SNX6: variants seen among roughly 807,000 people sequenced by gnomAD.
SNX6 encodes sorting nexin 6.
In SNX6, 34 loss-of-function variants were observed where a neutral mutation model predicts 63.0. The observed-to-expected ratio is 0.54, with a 90% CI of 0.41 to 0.72. The LOEUF is 0.72. Ranked by LOEUF, SNX6 falls within the 30% of genes least tolerant of loss-of-function variation. The pLI, the probability that SNX6 is intolerant of heterozygous loss-of-function variation, is 0.00. For missense variants in SNX6, 398 were observed against 471.4 expected, an observed-to-expected ratio of 0.84 and a Z score of 1.44; for synonymous variants, 170 against 164.2, an observed-to-expected ratio of 1.04 and a Z score of -0.27.
intron 2 of SNX6, among the ~76,000 whole-genome samples, chr14:34,617,331 T>G (rs1883454417): frequency 6.6e-6 from 1 of 152,188 alleles, no homozygotes; most frequent in Non-Finnish European, 1.5e-5. Context: ...TGTGACCTGT[T>G]GTTCCACATA....
In SNX6 at chr14:34,586,247, A is replaced by C. The variant is rs759380933; in HGVS notation, c.777T>G (p.Asp259Glu). Residue 259 changes from aspartate to glutamate, a missense_variant, in exon 9 of 14, where the codon GAT (aspartate) becomes GAG (glutamate). Asp to Glu is a conservative substitution (Grantham distance 45). Transcript: ENST00000362031. ...GSSLYALGTQ[D>E]STDICKFFLK... ...ACACTTACTTGCATATATCTGTAGA[A>C]TCCTGAGTTCCTAAAGCATATAATG... The C allele has an allele frequency of 3.1e-6, 5 of 1,605,212 alleles. No individual in the cohort carries two copies. Among genetic ancestry groups the C allele is most frequent in the Admixed American group, 1.7e-5 (1 of 59,926 alleles).
At chr14:34,599,294 AAC>A (rs1882713075) in intron 6 of SNX6, among the ~76,000 whole-genome samples, 1 of 152,186 alleles carries the variant, frequency 6.6e-6, no homozygotes, top group Admixed American at 6.6e-5. Flanking sequence ...AGATGAGTCT[AAC>A]ACAGTGCTCA....
chr14:34,600,594 G>A (rs1181085077), intron 6 of SNX6, among the ~76,000 whole-genome samples: 2 of 152,066 alleles, frequency 1.3e-5, no homozygotes, highest in East Asian at 3.9e-4. Flanking sequence ...CTTTGATCTT[G>A]AGGTTAACCT....
At chr14:34,568,144 ATTTTT>A (rs35123961) in intron 11 of SNX6, 131 bp from the exon 12 acceptor site, 16 of 457,488 alleles carry the variant, frequency 3.5e-5, no homozygotes, top group South Asian at 5.0e-5. Context: ...AGTTACTCCA[ATTTTT>A]TTTTTTTTTT....
chr14:34,578,472 G>C (rs1207345383), intron 10 of SNX6, among the ~76,000 whole-genome samples: 2 of 149,984 alleles, frequency 1.3e-5, no homozygotes, highest in East Asian at 4.0e-4. Context: ...CTCTACTAAA[G>C]TACAAAAATT....
At chr14:34,624,368 T>A (rs947723851) in intron 2 of SNX6, among the ~76,000 whole-genome samples, 9 of 152,238 alleles carry the variant, frequency 5.9e-5, no homozygotes, top group African/African-American at 2.2e-4. Flanking sequence ...CGCAAAGTGC[T>A]GGGATTACAT....
chr14:34,567,443 T>C (rs182221289), intron 13 of SNX6, among the ~76,000 whole-genome samples: 350 of 152,154 alleles, frequency 2.3e-3, no homozygotes, highest in African/African-American at 6.3e-3. Flanking sequence ...ACTGAGATCA[T>C]TGCCACTGCA....
intron 2 of SNX6, among the ~76,000 whole-genome samples, chr14:34,622,448 T>C (rs967093549): frequency 3.3e-5 from 5 of 150,276 alleles, no homozygotes; most frequent in Admixed American, 6.7e-5. Context: ...CTGGGCGTGG[T>C]GGCGGGCACC....
intron 2 of SNX6, among the ~76,000 whole-genome samples, chr14:34,613,200 T>C (rs1883297506): frequency 6.6e-6 from 1 of 152,188 alleles, no homozygotes; most frequent in East Asian, 1.9e-4. Context: ...CAGGGAATTC[T>C]TCCCTAGAGC....
Position 34,629,911 on chromosome 14 carries a change from C to T in SNX6, c.50G>A (p.Arg17His), listed in dbSNP as rs200051013. Residue 17 changes from arginine to histidine, a missense_variant, in exon 2 of 14, where the codon CGC becomes CAC. By Grantham distance (29) the Arg-to-His change is conservative. Transcript: ENST00000362031. ...CGAAAGGAAGGCAGAACTTACTCCG[C>T]GGTCCTCTTCTGAGAGGAAGTCCGG... ...DGPDFLSEED[R>H]GLKAINVDLQ... 196 of 1,555,526 alleles carry T rather than the reference C, an allele frequency of 1.3e-4. No individual in the cohort carries two copies. In the African/African-American group the frequency reaches 2.4e-3, roughly 19 times the overall value.
At chr14:34,571,276 A>G (rs1881441194) in intron 11 of SNX6, among the ~76,000 whole-genome samples, 1 of 151,810 alleles carries the variant, frequency 6.6e-6, no homozygotes, top group South Asian at 2.1e-4. Flanking sequence ...TACTAAAAAT[A>G]CAAAAAATTA....
At chr14:34,605,490 A>T in intron 5 of SNX6, 106 bp downstream of exon 5, 1 of 891,392 alleles carries the variant, frequency 1.1e-6, no homozygotes. Context: ...GAAAGGGTTT[A>T]ATGATGGGAT....
At chr14:34,604,907 G>C (rs1882956220) in intron 5 of SNX6, among the ~76,000 whole-genome samples, 1 of 151,148 alleles carries the variant, frequency 6.6e-6, no homozygotes, top group Admixed American at 6.6e-5. Context: ...TTCTGCATAA[G>C]TGATACTCAA....
At chr14:34,584,929 C>G (rs1009566365) in intron 9 of SNX6, among the ~76,000 whole-genome samples, 2 of 151,762 alleles carry the variant, frequency 1.3e-5, no homozygotes, top group Admixed American at 6.6e-5. Context: ...CTCGGCTCAA[C>G]GCAACCTTCG....
rs1880983172 is a variant in SNX6 at position 34,562,729 on chromosome 14, A to C, written c.*393T>G. The stretch of plus-strand genomic sequence containing the variant: ...AAATTTAAAAAATTCAAAAAAGGCA[A>C]TCTTTATCTTGTTTCAACAATGCAT... On this transcript the variant is annotated 3_prime_UTR_variant, in exon 14 of 14. Transcript: ENST00000362031. The C allele has an allele frequency of 5.9e-6, 1 of 168,668 alleles. No homozygotes were observed. Among genetic ancestry groups the C allele is most frequent in the Non-Finnish European group, 1.3e-5 (1 of 79,172 alleles). 10.4% of individuals were successfully genotyped at this position (168,668 alleles called of 1,614,324 possible).
At chr14:34,583,130 C>T (rs1438252264) in intron 9 of SNX6, among the ~76,000 whole-genome samples, 1 of 152,016 alleles carries the variant, frequency 6.6e-6, no homozygotes, top group African/African-American at 2.4e-5. Flanking sequence ...CATGGTGAAA[C>T]ACTGTCTCTA....
intron 11 of SNX6, chr14:34,569,177 C>T (rs957697650): frequency 8.6e-5 from 63 of 730,064 alleles, no homozygotes; most frequent in African/African-American, 8.0e-4. Flanking sequence ...GGGCTCAGTC[C>T]GTTTTTTTAA....
chr14:34,571,493 A>G (rs1011834747), intron 11 of SNX6, among the ~76,000 whole-genome samples: 1 of 152,190 alleles, frequency 6.6e-6, no homozygotes, highest in African/African-American at 2.4e-5. Flanking sequence ...ATGTAACTAA[A>G]TGCAAGAAGC....
intron 2 of SNX6, among the ~76,000 whole-genome samples, chr14:34,628,870 A>C (rs1362578995): frequency 6.6e-6 from 1 of 151,870 alleles, no homozygotes; most frequent in African/African-American, 2.4e-5. Flanking sequence ...ATATATCAAC[A>C]TTTTCCAAGT....
Sources: allele counts gnomAD v4.1 joint callset (sites outside exome capture counted in the v4.1 genomes callset), GRCh38; gene constraint gnomAD v4.1.1; transcripts MANE v1.5; gene names NCBI Gene and HGNC (gene_info 2026-07-23, HGNC 2026-07-21).